XKR4: variants seen among roughly 807,000 people sequenced by gnomAD.
XKR4 encodes the protein XK-related protein 4.
XKR4 carries 12 observed loss-of-function variants against 53.9 expected under a neutral mutation model. That is an observed-to-expected ratio of 0.22 (90% confidence interval 0.14 to 0.36). XKR4 has a LOEUF of 0.36. XKR4 is among the 10% of genes least tolerant of loss of function. XKR4 has a pLI of 1.00. For synonymous variants in XKR4, 354 were observed against 362.4 expected (o/e 0.98, Z 0.26); for missense variants, 799 against 859.5 (o/e 0.93, Z 0.88).
chr8:55,378,563 C>T (rs545478215), intron 2 of XKR4, among the ~76,000 whole-genome samples: 7 of 152,102 alleles, frequency 4.6e-5, no homozygotes, highest in Middle Eastern at 3.4e-3. Flanking sequence ...GGGAATGAGG[C>T]GGAGGGAGGA....
chr8:55,524,024 T>C lies in XKR4; in HGVS notation c.1750T>C (p.Ser584Pro), dbSNP rs1209454073. ...QVRPTAPSTP[S>P]SRPPRIEESV... ...GAGGCCCACTGCCCCATCCACCCCA[T>C]CATCTCGCCCACCACGGATTGAAGA... is the stretch of plus-strand genomic sequence containing the variant. Residue 584 changes from serine to proline, a missense_variant, in exon 3 of 3, where the codon TCA (serine) becomes CCA (proline). By Grantham distance (74) the Ser-to-Pro change is moderately conservative. This residue lies in a region of XKR4 where 269 missense variants were observed against 264.4 expected (regional missense o/e 1.02). Coordinates refer to ENST00000327381, the MANE Select transcript of XKR4 (RefSeq NM_052898.2). 1.2e-6 allele frequency: 2 copies of C among 1,614,118 alleles called. No homozygotes were observed. The highest frequency in any genetic ancestry group is 8.5e-7 in the Non-Finnish European group (1 of 1,180,036).
At chr8:55,341,043 G>A (rs1803537456) in intron 1 of XKR4, among the ~76,000 whole-genome samples, 2 of 152,146 alleles carry the variant, frequency 1.3e-5, no homozygotes, top group African/African-American at 2.4e-5. Context: ...GGTACTTTTG[G>A]AGGATTTATG....
chr8:55,209,560 G>A (rs1450987962), intron 1 of XKR4, among the ~76,000 whole-genome samples: 1 of 152,164 alleles, frequency 6.6e-6, no homozygotes. Flanking sequence ...AACTGGTGTT[G>A]GCAGAGTTCT....
At chr8:55,483,187 C>T (rs1009480291) in intron 2 of XKR4, among the ~76,000 whole-genome samples, 1 of 152,104 alleles carries the variant, frequency 6.6e-6, no homozygotes, top group African/African-American at 2.4e-5. Context: ...TCAATTTTTT[C>T]AGACCACATC....
intron 1 of XKR4, among the ~76,000 whole-genome samples, chr8:55,284,247 T>C (rs191656638): frequency 7.3e-4 from 111 of 152,352 alleles, no homozygotes; most frequent in African/African-American, 2.6e-3. Flanking sequence ...ATGTGAACTC[T>C]CATTAATATT....
chr8:55,323,980 A>G (rs1247954510), intron 1 of XKR4, among the ~76,000 whole-genome samples: 2 of 152,178 alleles, frequency 1.3e-5, no homozygotes, highest in Admixed American at 1.3e-4. Flanking sequence ...TCTGCTAGGA[A>G]TGTCAACCTT....
chr8:55,410,667 C>T (rs974543096), intron 2 of XKR4, among the ~76,000 whole-genome samples: 4 of 152,166 alleles, frequency 2.6e-5, no homozygotes, highest in African/African-American at 7.2e-5. Flanking sequence ...GCCTCTCCCC[C>T]GGGACCCTGA....
intron 2 of XKR4, among the ~76,000 whole-genome samples, chr8:55,464,189 A>G (rs1243360287): frequency 1.3e-5 from 2 of 152,166 alleles, no homozygotes; most frequent in African/African-American, 4.8e-5. Context: ...AGAATTTTAG[A>G]CCAATATCCT....
chr8:55,238,638 A>G (rs1053740128), intron 1 of XKR4, among the ~76,000 whole-genome samples: 3 of 152,158 alleles, frequency 2.0e-5, no homozygotes, highest in Non-Finnish European at 2.9e-5. Flanking sequence ...ACCTAGCTGC[A>G]AGAGAGGCTG....
At chr8:55,174,604 G>A (rs543259061) in intron 1 of XKR4, among the ~76,000 whole-genome samples, 3 of 152,150 alleles carry the variant, frequency 2.0e-5, no homozygotes, top group South Asian at 2.1e-4. Flanking sequence ...ACTACCCTTC[G>A]TCCATAGCTG....
chr8:55,206,232 GC>G (rs144412097), intron 1 of XKR4, among the ~76,000 whole-genome samples: 3,642 of 152,286 alleles, frequency 0.024, 157 homozygotes, highest in African/African-American at 0.082. Context: ...TGGGTGGCCA[GC>G]TTTTATTCCC....
intron 2 of XKR4, among the ~76,000 whole-genome samples, chr8:55,420,864 T>C (rs1804918444): frequency 8.1e-6 from 1 of 124,204 alleles, no homozygotes; most frequent in Non-Finnish European, 1.5e-5. Context: ...TCAGATAGTA[T>C]GATAAACTAC....
At chr8:55,228,394 G>A (rs2129366476) in intron 1 of XKR4, among the ~76,000 whole-genome samples, 1 of 152,242 alleles carries the variant, frequency 6.6e-6, no homozygotes, top group Middle Eastern at 3.4e-3. Context: ...CATCTAAAGA[G>A]GATGAATCTA....
At chr8:55,389,226 C>A (rs1804402129) in intron 2 of XKR4, among the ~76,000 whole-genome samples, 1 of 152,152 alleles carries the variant, frequency 6.6e-6, no homozygotes, top group African/African-American at 2.4e-5. Context: ...TACTGGACTT[C>A]CAGCCTCCAG....
chr8:55,296,522 G>T (rs1585994030), intron 1 of XKR4, among the ~76,000 whole-genome samples: 1 of 152,006 alleles, frequency 6.6e-6, no homozygotes, highest in Admixed American at 6.6e-5. Flanking sequence ...CCTCCAATTT[G>T]CCAATACTAT....
chr8:55,498,244 A>G (rs1174871803), intron 2 of XKR4, among the ~76,000 whole-genome samples: 1 of 152,202 alleles, frequency 6.6e-6, no homozygotes, highest in African/African-American at 2.4e-5. Flanking sequence ...CCACCTGTCT[A>G]ACTGGACTAA....
intron 2 of XKR4, among the ~76,000 whole-genome samples, chr8:55,372,439 T>C (rs1025066433): frequency 2.0e-5 from 3 of 152,128 alleles, no homozygotes; most frequent in African/African-American, 2.4e-5. Flanking sequence ...AAAATAACCA[T>C]GTGAATGGTA....
chr8:55,426,373 G>A (rs956979155), intron 2 of XKR4, among the ~76,000 whole-genome samples: 2 of 149,266 alleles, frequency 1.3e-5, no homozygotes, highest in East Asian at 1.9e-4. Flanking sequence ...GCTCACTTGC[G>A]CTCTCTCTCT....
At chr8:55,213,236 G>A (rs539293850) in intron 1 of XKR4, among the ~76,000 whole-genome samples, 1 of 152,334 alleles carries the variant, frequency 6.6e-6, no homozygotes, top group South Asian at 2.1e-4. Flanking sequence ...AAAATTCAGA[G>A]ACTGGGGTTT....
Sources: allele counts gnomAD v4.1 joint callset (sites outside exome capture counted in the v4.1 genomes callset), GRCh38; gene constraint gnomAD v4.1.1; regional missense constraint gnomAD v4.1.1; transcripts MANE v1.5; gene names NCBI Gene and HGNC (gene_info 2026-07-23, HGNC 2026-07-21).